Variants in DYM observed in about 807,000 individuals in gnomAD.
The protein encoded by DYM is dyggve-Melchior-Clausen syndrome protein.
Under a neutral mutation model 93.1 loss-of-function variants are expected in DYM, and 78 were observed. That is an observed-to-expected ratio of 0.84 (90% CI 0.70 to 1.01). The LOEUF is 1.01. Among genes scored for constraint, DYM ranks in the 50% least tolerant of loss-of-function variants. The pLI is 0.00. For synonymous variants in DYM, 321 were observed against 319.7 expected (o/e 1.00, Z -0.04); for missense variants, 789 against 845.0 (o/e 0.93, Z 0.82).
At chr18:49,232,151 C>T (rs1032520823) in intron 13 of DYM, among the ~76,000 whole-genome samples, 11 of 152,182 alleles carry the variant, frequency 7.2e-5, no homozygotes, top group East Asian at 1.9e-4. Flanking sequence ...AAGACAGGTA[C>T]GTTATGAAGT....
At chr18:49,355,759 T>C (rs2065507534) in intron 6 of DYM, among the ~76,000 whole-genome samples, 1 of 152,164 alleles carries the variant, frequency 6.6e-6, no homozygotes, top group South Asian at 2.1e-4. Flanking sequence ...TACTTTCTGC[T>C]CAATTTTGTG....
intron 11 of DYM, among the ~76,000 whole-genome samples, chr18:49,263,702 G>C (rs1160750881): frequency 1.3e-5 from 2 of 151,926 alleles, no homozygotes; most frequent in Non-Finnish European, 2.9e-5. Context: ...GCACTCCAGC[G>C]TGGGCAACAG....
intron 17 of DYM, among the ~76,000 whole-genome samples, chr18:49,079,648 C>T (rs1452697551): frequency 6.6e-6 from 1 of 151,394 alleles, no homozygotes; most frequent in Non-Finnish European, 1.5e-5. Flanking sequence ...TAACAAAGCA[C>T]ATCTTGCACC....
rs912846056 is a variant in DYM, at chr18:49,197,731, G to A, written c.1625+11820C>T. ...AACCACTGCTCAATGAAATAAAAGA[G>A]GATACAAACAAATGGGAGAATATTC... On this transcript the variant is annotated intron_variant, in intron 14 of 17. Transcript: ENST00000675505. Among the ~76,000 whole-genome samples the A allele has an allele frequency of 1.6e-4, 24 of 152,118 alleles. 1 individual carries two copies. Among genetic ancestry groups the A allele is most frequent in the Non-Finnish European group, 2.8e-4 (19 of 68,028 alleles).
intron 8 of DYM, among the ~76,000 whole-genome samples, chr18:49,300,942 C>T (rs573978): frequency 0.68 from 102,987 of 151,946 alleles, 35,508 homozygotes; most frequent in South Asian, 0.74. Context: ...TTTGATTTTA[C>T]TGATAATACC....
At chr18:49,310,835 C>G (rs1331734595) in intron 8 of DYM, among the ~76,000 whole-genome samples, 3 of 151,890 alleles carry the variant, frequency 2.0e-5, no homozygotes, top group Admixed American at 2.0e-4. Flanking sequence ...AAATGTTGTT[C>G]AATTGAAACA....
chr18:49,289,728 TA>T (rs2145899852), intron 8 of DYM, among the ~76,000 whole-genome samples: 1 of 4,822 alleles, frequency 2.1e-4, no homozygotes, highest in Non-Finnish European at 6.2e-4. Context: ...TATATATGTG[TA>T]TATATATATA....
rs535592891 is a variant in DYM at position 49,339,845 on chromosome 18, C to A, written c.495-5992G>T. 2.6e-5 allele frequency among the ~76,000 whole-genome samples: 4 copies of A among 152,282 alleles called. No individual in the cohort carries two copies. In the South Asian group the frequency reaches 8.3e-4, roughly 32 times the overall value. ...GAAACATCCATTATTTGTGGGCATG[C>A]AAAGTTGGAGGCAATCCGGGTATAA... On this transcript the variant is annotated intron_variant, in intron 6 of 17. Transcript: ENST00000675505.
intron 10 of DYM, among the ~76,000 whole-genome samples, chr18:49,276,465 T>C (rs2094849121): frequency 6.6e-6 from 1 of 152,232 alleles, no homozygotes; most frequent in Non-Finnish European, 1.5e-5. Flanking sequence ...AGCACTTTAA[T>C]TCTGAAAGAA....
At position 49,100,419 on chromosome 18, in the gene DYM, G is replaced by C. The variant is rs542058491; in HGVS notation, c.1912-2904C>G. 2.0e-5 allele frequency among the ~76,000 whole-genome samples: 3 copies of C among 152,018 alleles called. No homozygotes were observed. In the East Asian group the frequency reaches 5.8e-4, roughly 29 times the overall value. ...ACCACCAAGAACAAAGTAATGCAAT[G>C]ACAGTTTTGCTTTGTTGACTCTGCG... On this transcript the variant is annotated intron_variant, in intron 16 of 17. Transcript: ENST00000675505.
intron 17 of DYM, among the ~76,000 whole-genome samples, chr18:49,079,846 T>C (rs1230160716): frequency 6.6e-6 from 1 of 151,416 alleles, no homozygotes; most frequent in Admixed American, 6.6e-5. Context: ...CTCAATCTTT[T>C]CCCCACCTTC....
chr18:49,331,980 T>C lies in DYM; in HGVS notation c.647A>G (p.Lys216Arg), dbSNP rs776181342. ...PCLPYTSKLV[K>R]TLLYNFIRQE... ...TCTGATAAAGTTATATAATAAGGTC[T>C]TCACAAGTTTGCTGGTGTATGGAAG... The change falls in exon 8 of 18, where the codon AAG (lysine) becomes AGG (arginine). Residue 216 changes from lysine to arginine, a missense_variant. Coordinates refer to ENST00000675505, the MANE Select transcript of DYM (RefSeq NM_001353214.3). 1.9e-6 allele frequency: 3 copies of C among 1,614,016 alleles called. No homozygotes were observed. The East Asian group carries it at 6.7e-5, about 36-fold the overall frequency.
At position 49,448,146 on chromosome 18, in the gene DYM, A is replaced by G. The variant is rs2082255496; in HGVS notation, c.-54+12252T>C. ...TTTATGCTGGTTCTGTAAATGAGAA[A>G]ACTCTGCCTTCAACAATTAGGGGTA... On this transcript the variant is annotated intron_variant, in intron 1 of 17. Coordinates refer to ENST00000675505, the MANE Select transcript of DYM (RefSeq NM_001353214.3). Among the ~76,000 whole-genome samples, 3 of 152,142 alleles carry G rather than the reference A, an allele frequency of 2.0e-5. No individual in the cohort carries two copies. The South Asian group carries it at 6.2e-4, about 31-fold the overall frequency.
At chr18:49,421,170 T>A (rs992428526) in intron 2 of DYM, among the ~76,000 whole-genome samples, 1 of 152,084 alleles carries the variant, frequency 6.6e-6, no homozygotes, top group Non-Finnish European at 1.5e-5. Flanking sequence ...AGCACGGAGT[T>A]TGAGATCTGA....
chr18:49,370,936 GAAC>G (rs1375880169), intron 5 of DYM, among the ~76,000 whole-genome samples: 2 of 152,108 alleles, frequency 1.3e-5, no homozygotes, highest in Non-Finnish European at 2.9e-5. Context: ...ATAACCAAAA[GAAC>G]AACCTACGAG....
intron 8 of DYM, among the ~76,000 whole-genome samples, chr18:49,323,009 G>A (rs187184367): frequency 1.3e-5 from 2 of 152,244 alleles, no homozygotes; most frequent in Admixed American, 1.3e-4. Context: ...CTACAGTCCA[G>A]TACGTCCCTC....
chr18:49,158,019 A>G (rs2086645307), intron 15 of DYM, among the ~76,000 whole-genome samples: 1 of 152,218 alleles, frequency 6.6e-6, no homozygotes, highest in African/African-American at 2.4e-5. Flanking sequence ...ACTCAGTGAC[A>G]ATGACACAAG....
intron 17 of DYM, among the ~76,000 whole-genome samples, chr18:49,046,414 C>A (rs996279013): frequency 2.0e-5 from 3 of 150,056 alleles, no homozygotes; most frequent in East Asian, 3.9e-4. Flanking sequence ...ACACAAGACA[C>A]ATACACACAC....
chr18:49,117,857 A>G (rs2082039915), intron 16 of DYM, among the ~76,000 whole-genome samples: 2 of 152,074 alleles, frequency 1.3e-5, no homozygotes, highest in African/African-American at 4.8e-5. Flanking sequence ...TTGATGGAAC[A>G]TATATTATAG....
Sources: allele counts gnomAD v4.1 joint callset (sites outside exome capture counted in the v4.1 genomes callset), GRCh38; gene constraint gnomAD v4.1.1; transcripts MANE v1.5; gene names NCBI Gene and HGNC (gene_info 2026-07-23, HGNC 2026-07-21).